DOCK8: variants seen among roughly 807,000 people sequenced by gnomAD.
DOCK8 encodes dedicator of cytokinesis protein 8.
Under a neutral mutation model 245.6 loss-of-function variants are expected in DOCK8, and 141 were observed. The ratio of observed to expected loss-of-function variants is 0.57; its 90% confidence interval spans 0.50 to 0.66. The LOEUF (loss-of-function observed/expected upper bound fraction) is 0.66, where lower values mean the gene tolerates loss of function less well. DOCK8 is among the 30% of genes least tolerant of loss of function. DOCK8 has a pLI of 0.00. For synonymous variants in DOCK8, 1,168 were observed against 970.2 expected (o/e 1.20, Z -3.79); for missense variants, 2,965 against 2,603.4 (o/e 1.14, Z -3.02).
chr9:413,179 A>G (rs1364860273), intron 28 of DOCK8, among the ~76,000 whole-genome samples: 1 of 152,176 alleles, frequency 6.6e-6, no homozygotes, highest in African/African-American at 2.4e-5. Context: ...TTTTCAATAA[A>G]TGGTGTTGGG....
chr9:255,906 T>C (rs1426853437), intron 1 of DOCK8, among the ~76,000 whole-genome samples: 1 of 152,160 alleles, frequency 6.6e-6, no homozygotes, highest in East Asian at 1.9e-4. Context: ...GCTTATTGAT[T>C]TAAAATACCT....
rs539154199 is a variant in DOCK8, at chr9:341,776, A to G, written c.1679+1455A>G. On this transcript the variant is annotated intron_variant, in intron 14 of 47. Coordinates refer to ENST00000432829, the MANE Select transcript of DOCK8 (RefSeq NM_203447.4). ...CCTGTTAGGAACCAGGCTGCATGGCAGGAGGTGAGCATCGGGTGAGTGAAG... is the reference window on the plus strand; with the variant it reads ...CCTGTTAGGAACCAGGCTGCATGGCGGGAGGTGAGCATCGGGTGAGTGAAG... 2.0e-5 allele frequency among the ~76,000 whole-genome samples: 3 copies of G among 152,314 alleles called. No individual in the cohort carries two copies. In the South Asian group the frequency reaches 6.2e-4, roughly 32 times the overall value.
At chr9:212,745 T>G (rs1415904362), upstream of DOCK8, 1 of 152,244 alleles carries the variant, frequency 6.6e-6, no homozygotes, top group East Asian at 1.9e-4. Flanking sequence ...CAGTATGATC[T>G]GAGGCAAGAT....
At chr9:448,685 C>A (rs988470224) in intron 44 of DOCK8, among the ~76,000 whole-genome samples, 1 of 152,142 alleles carries the variant, frequency 6.6e-6, no homozygotes, top group Non-Finnish European at 1.5e-5. Flanking sequence ...CCTCTGTGTT[C>A]GTGTCCAGAT....
intron 1 of DOCK8, among the ~76,000 whole-genome samples, chr9:223,769 GT>G (rs5895835): frequency 0.13 from 18,947 of 147,310 alleles, 1,408 homozygotes; most frequent in African/African-American, 0.21. Context: ...TGCTTTAGTT[GT>G]TTTTTTTTTA....
Position 375,357 on chromosome 9 carries a change from A to T in DOCK8, c.2110-853A>T, listed in dbSNP as rs193178840. 2.0e-5 allele frequency among the ~76,000 whole-genome samples: 3 copies of T among 152,338 alleles called. No individual in the cohort carries two copies. The East Asian group carries it at 5.8e-4, about 29-fold the overall frequency. ...GTCTGTAAGACCTACGAAGGTAATGATATATAAACGTATAAAAGAGTCACT... is the reference window on the plus strand; with the variant it reads ...GTCTGTAAGACCTACGAAGGTAATGTTATATAAACGTATAAAAGAGTCACT... On this transcript the variant is annotated intron_variant, in intron 18 of 47. Coordinates refer to ENST00000432829, the MANE Select transcript of DOCK8 (RefSeq NM_203447.4).
intron 1 of DOCK8, among the ~76,000 whole-genome samples, chr9:256,072 A>C (rs1451457365): frequency 6.6e-6 from 1 of 152,174 alleles, no homozygotes; most frequent in African/African-American, 2.4e-5. Flanking sequence ...AACATGACCA[A>C]CTCTTTAGTA....
chr9:428,743 G>A (rs1450407867), intron 35 of DOCK8, among the ~76,000 whole-genome samples: 2 of 152,146 alleles, frequency 1.3e-5, no homozygotes, highest in African/African-American at 4.8e-5. Context: ...ATGGCCATTC[G>A]CTGAAGGTCT....
intron 44 of DOCK8, among the ~76,000 whole-genome samples, chr9:447,760 C>T (rs912117713): frequency 4.6e-5 from 7 of 152,186 alleles, no homozygotes; most frequent in Admixed American, 2.6e-4. Context: ...ATATATACCT[C>T]ATCAGGCAGA....
At chr9:295,159 TAAAAA>T (rs879941352) in intron 4 of DOCK8, among the ~76,000 whole-genome samples, 1 of 142,358 alleles carries the variant, frequency 7.0e-6, no homozygotes, top group Non-Finnish European at 1.5e-5. Flanking sequence ...GATTCTGTCT[TAAAAA>T]AAAAAAAAGA....
At chr9:315,281 A>C (rs1300544136) in intron 6 of DOCK8, among the ~76,000 whole-genome samples, 1 of 152,178 alleles carries the variant, frequency 6.6e-6, no homozygotes, top group Non-Finnish European at 1.5e-5. Context: ...GGATGATGAA[A>C]ACAAGAGGTA....
intron 1 of DOCK8, among the ~76,000 whole-genome samples, chr9:249,853 C>G (rs997879033): frequency 2.0e-5 from 3 of 151,488 alleles, no homozygotes; most frequent in Non-Finnish European, 4.4e-5. Flanking sequence ...GTCTCGAACT[C>G]CTGACCTCAA....
rs1209147428 is a variant in DOCK8, at chr9:400,806, CCAT to C, written c.3234+1550_3234+1552del. ...ACCTCCACCATCACCACCACCTCCA[CCAT>C]CACCACCACCTCCACCATCACCATC... is the stretch of plus-strand genomic sequence containing the variant. On this transcript the variant is annotated intron_variant, in intron 26 of 47. Coordinates refer to ENST00000432829, the MANE Select transcript of DOCK8 (RefSeq NM_203447.4). Among the ~76,000 whole-genome samples the C allele has an allele frequency of 2.0e-4, 21 of 105,584 alleles. 2 individuals are homozygous for C. Among genetic ancestry groups the C allele is most frequent in the Middle Eastern group, 5.3e-3 (1 of 190 alleles). The allele number at this position is 105,584 out of a possible 152,430, so 69.3% of individuals were successfully genotyped here. A position where few individuals can be genotyped will look rare whatever the true frequency, so the allele number is the denominator to read the frequency against.
At chr9:317,236 A>C in intron 7 of DOCK8, 108 bp downstream of exon 7, 2 of 914,040 alleles carry the variant, frequency 2.2e-6, no homozygotes, top group Non-Finnish European at 3.5e-6. Context: ...CTCCCAAAAT[A>C]CGTCTAACAG....
At chr9:305,442 C>T (rs1267090588) in intron 5 of DOCK8, among the ~76,000 whole-genome samples, 4 of 151,768 alleles carry the variant, frequency 2.6e-5, no homozygotes, top group Admixed American at 2.6e-4. Flanking sequence ...GCCACCACGC[C>T]CAGCTAATTT....
intron 26 of DOCK8, among the ~76,000 whole-genome samples, chr9:400,898 C>CCACCACCACCT: frequency 2.3e-5 from 1 of 43,220 alleles, no homozygotes; most frequent in East Asian, 1.2e-3. Context: ...CACCACCTCC[C>CCACCACCACCT]CCACTACCAA....
chr9:323,188 G>T (rs772272168), intron 7 of DOCK8, among the ~76,000 whole-genome samples: 79 of 148,788 alleles, frequency 5.3e-4, no homozygotes, highest in Non-Finnish European at 8.2e-4. Flanking sequence ...CTTTTCGGTG[G>T]TAAAATGTAT....
chr9:431,849 A>G (rs1448817963), intron 36 of DOCK8, among the ~76,000 whole-genome samples: 2 of 152,168 alleles, frequency 1.3e-5, no homozygotes, highest in Non-Finnish European at 2.9e-5. Flanking sequence ...TCTTGGCACA[A>G]AAGGATATAC....
chr9:311,266 C>T (rs947267925), intron 5 of DOCK8, among the ~76,000 whole-genome samples: 2 of 147,838 alleles, frequency 1.4e-5, no homozygotes, highest in African/African-American at 2.5e-5. Flanking sequence ...GCCTAGGTGT[C>T]GCAGCAAGAC....
Sources: gnomAD v4.1 joint callset for allele counts (sites outside exome capture counted in the v4.1 genomes callset) on GRCh38, gnomAD v4.1.1 for gene constraint, MANE v1.5 for transcripts, NCBI Gene and HGNC (gene_info 2026-07-23, HGNC 2026-07-21) for gene names.